PCMTD1: variants seen among roughly 807,000 people sequenced by gnomAD.
The protein encoded by PCMTD1 is protein-L-isoaspartate O-methyltransferase domain-containing protein 1.
Under a neutral mutation model 37.6 loss-of-function variants are expected in PCMTD1, and 12 were observed. That is an observed-to-expected ratio of 0.32 (90% confidence interval 0.20 to 0.52). PCMTD1 has a LOEUF of 0.52. Ranked by LOEUF, PCMTD1 falls within the 20% of genes least tolerant of loss-of-function variation. The probability of loss-of-function intolerance (pLI) is 0.97; values close to 1 mark genes in which losing one functional copy is unlikely to be tolerated. For synonymous variants in PCMTD1, 117 were observed against 135.8 expected, an observed-to-expected ratio of 0.86 and a Z score of 0.96; for missense variants, 235 against 421.3, an observed-to-expected ratio of 0.56 and a Z score of 3.87.
intron 1 of PCMTD1, among the ~76,000 whole-genome samples, chr8:51,882,753 T>C (rs1312177756): frequency 4.0e-5 from 6 of 151,352 alleles, no homozygotes; most frequent in Non-Finnish European, 8.8e-5. Context: ...TTTGGGGTAT[T>C]ATATTTCATT....
Position 51,861,218 on chromosome 8 carries a change from T to G in PCMTD1, c.-67A>C. The G allele has an allele frequency of 6.7e-7, 1 of 1,481,606 alleles. No individual in the cohort carries two copies. Among genetic ancestry groups the G allele is most frequent in the Non-Finnish European group, 9.0e-7 (1 of 1,113,828 alleles). The allele number at this position is 1,481,606 out of a possible 1,614,324, so 91.8% of individuals were successfully genotyped here. A position where few individuals can be genotyped will look rare whatever the true frequency, so the allele number is the denominator to read the frequency against. On this transcript the variant is annotated 5_prime_UTR_variant, in exon 2 of 6. Coordinates refer to ENST00000522514, the MANE Select transcript of PCMTD1 (RefSeq NM_052937.4). ...AATTAGTAGAAATGGCTTCCAATATTGCACTTGATTTCCAAAAATAAATTA... is the reference window on the plus strand; with the variant it reads ...AATTAGTAGAAATGGCTTCCAATATGGCACTTGATTTCCAAAAATAAATTA...
intron 2 of PCMTD1, among the ~76,000 whole-genome samples, chr8:51,848,431 A>G (rs1267447079): frequency 6.6e-6 from 1 of 152,196 alleles, no homozygotes; most frequent in Non-Finnish European, 1.5e-5. Context: ...AAGACAGAAT[A>G]TATAAATATA....
intron 1 of PCMTD1, among the ~76,000 whole-genome samples, chr8:51,870,681 C>A (rs1173025377): frequency 2.0e-5 from 3 of 152,176 alleles, no homozygotes; most frequent in Admixed American, 2.0e-4. Context: ...AAACACAACT[C>A]AAATCCTGTC....
intron 2 of PCMTD1, among the ~76,000 whole-genome samples, chr8:51,848,411 T>C (rs989728656): frequency 2.6e-5 from 4 of 152,082 alleles, no homozygotes; most frequent in African/African-American, 7.2e-5. Flanking sequence ...TGGCACTCCA[T>C]GTTTCCTATA....
intron 1 of PCMTD1, among the ~76,000 whole-genome samples, chr8:51,873,340 A>G (rs944159823): frequency 1.5e-4 from 23 of 152,210 alleles, no homozygotes; most frequent in African/African-American, 5.5e-4. Flanking sequence ...AGAAGAAACC[A>G]TAACAAAAAA....
chr8:51,881,012 G>A (rs757169663), intron 1 of PCMTD1, among the ~76,000 whole-genome samples: 2 of 152,162 alleles, frequency 1.3e-5, no homozygotes, highest in Non-Finnish European at 2.9e-5. Context: ...AAAAAAGACA[G>A]TAGTCCAAGT....
At chr8:51,877,377 C>A (rs2129290945) in intron 1 of PCMTD1, among the ~76,000 whole-genome samples, 1 of 152,252 alleles carries the variant, frequency 6.6e-6, no homozygotes, top group Middle Eastern at 3.4e-3. Context: ...AAGTAACTTG[C>A]AGGATGCTGA....
Position 51,820,484 on chromosome 8 carries a change from T to C in PCMTD1, c.941A>G (p.Glu314Gly), listed in dbSNP as rs781257573. The C allele has an allele frequency of 1.2e-6, 2 of 1,613,972 alleles. No homozygotes were observed. The highest frequency in any genetic ancestry group is 1.7e-6 in the Non-Finnish European group (2 of 1,179,996). Reference sequence around the variant, plus strand: ...TTCATTGTGATCTTTTTCCTCCTCTTCTTTGTTATCCTCTTCCATTTTTTC... The same window carrying C: ...TTCATTGTGATCTTTTTCCTCCTCTCCTTTGTTATCCTCTTCCATTTTTTC... The part of the protein sequence containing the change: ...EDEKMEEDNK[E>G]EEEKDHNEAM... The change falls in exon 6 of 6, where the codon GAA becomes GGA. Residue 314 changes from glutamate to glycine, a missense_variant. Coordinates refer to ENST00000522514, the MANE Select transcript of PCMTD1 (RefSeq NM_052937.4).
At chr8:51,886,222 A>T (rs868646808) in intron 1 of PCMTD1, among the ~76,000 whole-genome samples, 2 of 152,224 alleles carry the variant, frequency 1.3e-5, no homozygotes, top group South Asian at 2.1e-4. Flanking sequence ...ACTTATTCAA[A>T]ATCATCATCC....
Position 51,840,991 on chromosome 8 carries a change from T to G in PCMTD1, c.410+4670A>C, listed in dbSNP as rs188386496. On this transcript the variant is annotated intron_variant, in intron 3 of 5. Coordinates refer to ENST00000522514, the MANE Select transcript of PCMTD1 (RefSeq NM_052937.4). ...TAAAAGTACTCCTTCAACTTTCCTA[T>G]CTAGGAAACTTTCCTATACAAGTTG... is the stretch of plus-strand genomic sequence containing the variant. 2.0e-3 allele frequency among the ~76,000 whole-genome samples: 308 copies of G among 152,300 alleles called. 2 individuals are homozygous for G. The highest frequency in any genetic ancestry group is 6.9e-3 in the African/African-American group (288 of 41,580).
chr8:51,853,590 C>T (rs1419217339), intron 2 of PCMTD1, among the ~76,000 whole-genome samples: 1 of 152,072 alleles, frequency 6.6e-6, no homozygotes, highest in Non-Finnish European at 1.5e-5. Flanking sequence ...TGAACTATTG[C>T]TCCTTAGGAA....
intron 1 of PCMTD1, among the ~76,000 whole-genome samples, chr8:51,877,384 C>G (rs892989551): frequency 3.3e-5 from 5 of 152,164 alleles, no homozygotes; most frequent in Admixed American, 2.6e-4. Flanking sequence ...TTGCAGGATG[C>G]TGAGAAAGGT....
chr8:51,877,358 G>A (rs1384504651), intron 1 of PCMTD1, among the ~76,000 whole-genome samples: 2 of 152,148 alleles, frequency 1.3e-5, no homozygotes, highest in Admixed American at 6.5e-5. Flanking sequence ...GGAGAACAAA[G>A]GAAGGAGGAA....
At chr8:51,875,640 G>A (rs890307259) in intron 1 of PCMTD1, among the ~76,000 whole-genome samples, 1 of 152,162 alleles carries the variant, frequency 6.6e-6, no homozygotes, top group African/African-American at 2.4e-5. Context: ...GTAAGTAAAG[G>A]ATCATATAGT....
intron 1 of PCMTD1, among the ~76,000 whole-genome samples, chr8:51,891,937 C>G (rs2038942503): frequency 6.6e-6 from 1 of 152,014 alleles, no homozygotes. Flanking sequence ...TGTTATTCAA[C>G]AGAATTCTGA....
chr8:51,890,814 T>C (rs1230983263), intron 1 of PCMTD1, among the ~76,000 whole-genome samples: 3 of 152,182 alleles, frequency 2.0e-5, no homozygotes, highest in East Asian at 1.9e-4. Flanking sequence ...AAAACACCAC[T>C]TCCTAGCACA....
intron 2 of PCMTD1, among the ~76,000 whole-genome samples, chr8:51,854,853 G>C (rs1004626548): frequency 1.3e-5 from 2 of 151,420 alleles, no homozygotes; most frequent in African/African-American, 4.9e-5. Context: ...CTCCAGCCTG[G>C]GCTCTGACAG....
intron 1 of PCMTD1, among the ~76,000 whole-genome samples, chr8:51,869,683 G>A (rs1239299628): frequency 5.9e-5 from 9 of 151,994 alleles, no homozygotes; most frequent in African/African-American, 2.2e-4. Flanking sequence ...AGGAATTTGA[G>A]AGAAAGACGA....
intron 5 of PCMTD1, 148 bp downstream of exon 5, chr8:51,831,296 C>CAAAA: frequency 2.9e-5 from 17 of 591,052 alleles, no homozygotes; most frequent in East Asian, 7.9e-5. Context: ...AGACTGTCTC[C>CAAAA]AAAAAAAAAA....
Sources: gnomAD v4.1 joint callset for allele counts (sites outside exome capture counted in the v4.1 genomes callset) on GRCh38, gnomAD v4.1.1 for gene constraint, MANE v1.5 for transcripts, NCBI Gene and HGNC (gene_info 2026-07-23, HGNC 2026-07-21) for gene names.